HLTF: variants seen among roughly 807,000 people sequenced by gnomAD.
The protein encoded by HLTF is helicase like transcription factor.
A neutral mutation model predicts 129.4 loss-of-function variants in HLTF; 127 were observed. The observed-to-expected ratio is 0.98, with a 90% CI of 0.85 to 1.14. The LOEUF (loss-of-function observed/expected upper bound fraction) is 1.14. HLTF is among the 50% of genes most tolerant of loss of function. HLTF has a pLI of 0.00. For synonymous variants in HLTF, 332 were observed against 388.8 expected, an observed-to-expected ratio of 0.85 and a Z score of 1.72; for missense variants, 1,139 against 1,187.1, an observed-to-expected ratio of 0.96 and a Z score of 0.60.
chr3:149,069,134 A>G (rs1255604509), intron 7 of HLTF, among the ~76,000 whole-genome samples: 2 of 151,834 alleles, frequency 1.3e-5, no homozygotes, highest in East Asian at 1.9e-4. Flanking sequence ...ACTAGTCATC[A>G]TATTCTTAAC....
intron 13 of HLTF, among the ~76,000 whole-genome samples, chr3:149,056,369 C>T (rs1269536299): frequency 2.6e-5 from 4 of 152,146 alleles, no homozygotes; most frequent in African/African-American, 9.7e-5. Context: ...GAAATAAATT[C>T]TAGAGATGGT....
At position 149,086,372 on chromosome 3, in the gene HLTF, T is replaced by C; in HGVS notation, c.-36A>G. Reference sequence around the variant, plus strand: ...GGGATGACAAGAGGAGCGCCTCGGCTCCCCTGGATCGTTTTCGAGCCGCCT... The same window carrying C: ...GGGATGACAAGAGGAGCGCCTCGGCCCCCCTGGATCGTTTTCGAGCCGCCT... On this transcript the variant is annotated 5_prime_UTR_variant, in exon 1 of 25. Coordinates refer to ENST00000310053, the MANE Select transcript of HLTF (RefSeq NM_003071.4). 1 of 1,568,954 alleles carries C rather than the reference T, an allele frequency of 6.4e-7. No individual in the cohort carries two copies. Among genetic ancestry groups the C allele is most frequent in the Non-Finnish European group, 8.6e-7 (1 of 1,156,822 alleles).
chr3:149,035,285 T>C (rs1432426566), intron 23 of HLTF, among the ~76,000 whole-genome samples: 1 of 152,140 alleles, frequency 6.6e-6, no homozygotes, highest in Non-Finnish European at 1.5e-5. Flanking sequence ...GTTTTTTTTT[T>C]CATTTTTAAA....
intron 1 of HLTF, among the ~76,000 whole-genome samples, chr3:149,085,836 T>G (rs1720326539): frequency 1.3e-5 from 2 of 152,184 alleles, no homozygotes; most frequent in Non-Finnish European, 2.9e-5. Context: ...GCAAAAAGTT[T>G]CCATTCTCCT....
chr3:149,069,069 G>A (rs910056120), intron 7 of HLTF, among the ~76,000 whole-genome samples: 22 of 151,948 alleles, frequency 1.4e-4, no homozygotes, highest in African/African-American at 5.3e-4. Context: ...AAATAGCAAT[G>A]GTCAAAAAAG....
chr3:149,042,564 T>C (rs891553924), intron 18 of HLTF, among the ~76,000 whole-genome samples: 2 of 151,994 alleles, frequency 1.3e-5, no homozygotes, highest in African/African-American at 4.8e-5. Flanking sequence ...CAAAACACAA[T>C]TCTTTAAAAT....
intron 20 of HLTF, among the ~76,000 whole-genome samples, chr3:149,040,622 C>G (rs1484841242): frequency 6.6e-6 from 1 of 152,044 alleles, no homozygotes; most frequent in African/African-American, 2.4e-5. Flanking sequence ...AAAGCAACAT[C>G]TGTTGTACCC....
At chr3:149,080,597 C>T (rs1719787477) in intron 2 of HLTF, among the ~76,000 whole-genome samples, 1 of 151,896 alleles carries the variant, frequency 6.6e-6, no homozygotes, top group Non-Finnish European at 1.5e-5. Flanking sequence ...AAATACATAA[C>T]CAAAATAAAA....
At chr3:149,078,141 TAAG>T (rs898712500) in intron 2 of HLTF, among the ~76,000 whole-genome samples, 7 of 151,794 alleles carry the variant, frequency 4.6e-5, no homozygotes, top group African/African-American at 1.7e-4. Context: ...GCAAAAAAAA[TAAG>T]AAAGTATGGT....
chr3:149,045,457 A>AT (rs1371615138), intron 18 of HLTF, among the ~76,000 whole-genome samples: 2 of 152,214 alleles, frequency 1.3e-5, no homozygotes, highest in Non-Finnish European at 2.9e-5. Context: ...CCCAATGGGT[A>AT]TAAGTGCCTG....
rs374096846 is a variant in HLTF at position 149,082,898 on chromosome 3, A to G, written c.228+1784T>C. On this transcript the variant is annotated intron_variant, in intron 2 of 24. Coordinates refer to ENST00000310053, the MANE Select transcript of HLTF (RefSeq NM_003071.4). ...ATGCTCACAGAAACAAGTGTAGAAG[A>G]TAAGTTATGGTTCTGGATGATAGAC... Among the ~76,000 whole-genome samples, 40 of 147,010 alleles carry G rather than the reference A, an allele frequency of 2.7e-4. 1 individual carries two copies. Among genetic ancestry groups the G allele is most frequent in the African/African-American group, 1.0e-3 (38 of 36,578 alleles).
At chr3:149,038,888 C>T (rs1212958035) in intron 23 of HLTF, among the ~76,000 whole-genome samples, 161 bp downstream of exon 23, 1 of 152,208 alleles carries the variant, frequency 6.6e-6, no homozygotes, top group Non-Finnish European at 1.5e-5. Context: ...TAAGAGAAAG[C>T]TCTTAATCCA....
At chr3:149,043,454 A>G (rs1716289436) in intron 18 of HLTF, among the ~76,000 whole-genome samples, 1 of 151,614 alleles carries the variant, frequency 6.6e-6, no homozygotes, top group South Asian at 2.1e-4. Context: ...CTTTCCAGGA[A>G]AGAGAAGGGG....
In HLTF at chr3:149,075,888, T is replaced by C. The variant is rs1233970092; in HGVS notation, c.388A>G (p.Ile130Val). Reference protein sequence around the residue: ...AYIMDNKLAQIEGVVPFGANN... With the variant: ...AYIMDNKLAQVEGVVPFGANN... ...ATTCTGAAAGTACATTACCCTTCAATTTGTGCCAATTTGTTGTCCATGATA... is the reference window on the plus strand; with the variant it reads ...ATTCTGAAAGTACATTACCCTTCAACTTGTGCCAATTTGTTGTCCATGATA... The change falls in exon 3 of 25, where the codon ATT becomes GTT. Residue 130 changes from isoleucine (I) to valine (V), a missense_variant. Ile to Val is a conservative substitution (Grantham distance 29, BLOSUM62 3). Transcript: ENST00000310053. 1 of 1,594,304 alleles carries C rather than the reference T, an allele frequency of 6.3e-7. No individual in the cohort carries two copies. The highest frequency in any genetic ancestry group is 8.5e-7 in the Non-Finnish European group (1 of 1,172,646).
At chr3:149,084,646 T>C (rs1334160211) in intron 2 of HLTF, 36 bp downstream of exon 2, 2 of 1,425,510 alleles carry the variant, frequency 1.4e-6, no homozygotes. Context: ...ACGCCAGAAA[T>C]ATAATCAAAA....
chr3:149,063,380 G>C, intron 10 of HLTF, 51 bp downstream of exon 10: 1 of 1,218,406 alleles, frequency 8.2e-7, no homozygotes, highest in Non-Finnish European at 1.2e-6. Flanking sequence ...TTACACATAA[G>C]AAAACAGAGT....
intron 20 of HLTF, among the ~76,000 whole-genome samples, chr3:149,040,880 T>C (rs1716075378): frequency 6.6e-6 from 1 of 152,184 alleles, no homozygotes; most frequent in East Asian, 1.9e-4. Context: ...TCTACATATG[T>C]TATATATCAA....
intron 8 of HLTF, among the ~76,000 whole-genome samples, chr3:149,065,192 T>C (rs1718258735): frequency 6.6e-6 from 1 of 152,202 alleles, no homozygotes; most frequent in Non-Finnish European, 1.5e-5. Context: ...TACTTTATAA[T>C]TAAGAATTCT....
At chr3:149,083,389 T>C (rs1399702511) in intron 2 of HLTF, among the ~76,000 whole-genome samples, 1 of 152,200 alleles carries the variant, frequency 6.6e-6, no homozygotes, top group Non-Finnish European at 1.5e-5. Context: ...TTACTTTTTA[T>C]CAACACACAC....
Sources: allele counts gnomAD v4.1 joint callset (sites outside exome capture counted in the v4.1 genomes callset), GRCh38; gene constraint gnomAD v4.1.1; transcripts MANE v1.5; gene names NCBI Gene and HGNC (gene_info 2026-07-23, HGNC 2026-07-21).